The following SPC25 variants were observed in gnomAD, a reference collection of about 807,000 sequenced individuals.
SPC25 encodes the protein kinetochore protein Spc25.
In SPC25, 22 loss-of-function variants were observed where a neutral mutation model predicts 29.6. The ratio of observed to expected loss-of-function variants is 0.74; its 90% CI spans 0.53 to 1.06. The LOEUF (loss-of-function observed/expected upper bound fraction) is 1.06, where lower values mean the gene tolerates loss of function less well. SPC25 is among the 50% of genes least tolerant of loss of function. The pLI is 0.00. For missense variants in SPC25, 230 were observed against 255.8 expected (o/e 0.90, Z 0.69); for synonymous variants, 91 against 90.4 (o/e 1.01, Z -0.04).
chr2:168,878,977 C>T (rs367751167), intron 3 of SPC25, among the ~76,000 whole-genome samples: 6 of 152,140 alleles, frequency 3.9e-5, no homozygotes, highest in African/African-American at 7.2e-5. Context: ...GTCTATTAAG[C>T]GTGCAATAGC....
downstream of SPC25, among the ~76,000 whole-genome samples, chr2:168,869,440 T>G (rs1689935933): frequency 6.6e-6 from 1 of 152,210 alleles, no homozygotes; most frequent in African/African-American, 2.4e-5. Context: ...GATGACATGA[T>G]TGTATATCTA....
chr2:168,873,403 A>G (rs937010085), intron 6 of SPC25, among the ~76,000 whole-genome samples, 182 bp downstream of exon 6: 1 of 152,208 alleles, frequency 6.6e-6, no homozygotes, highest in African/African-American at 2.4e-5. Flanking sequence ...GATCTTAGAC[A>G]GTATCTATAA....
chr2:168,881,800 T>C (rs1011455675), intron 3 of SPC25, among the ~76,000 whole-genome samples: 7 of 152,218 alleles, frequency 4.6e-5, no homozygotes, highest in African/African-American at 1.7e-4. Flanking sequence ...TTCTCAAAGT[T>C]AAACAAGTTA....
At chr2:168,888,876 C>T (rs576888633) in intron 3 of SPC25, among the ~76,000 whole-genome samples, 10 of 145,304 alleles carry the variant, frequency 6.9e-5, no homozygotes, top group African/African-American at 2.3e-4. Flanking sequence ...ATCCACCCAA[C>T]TTGGCCTCCC....
intron 3 of SPC25, among the ~76,000 whole-genome samples, chr2:168,887,421 CAA>C (rs5836211): frequency 3.9e-4 from 51 of 131,364 alleles, no homozygotes; most frequent in East Asian, 6.4e-4. Context: ...GACTCCATCT[CAA>C]AAAAAAAAAA....
chr2:168,889,201 C>T (rs1374631774), intron 3 of SPC25, 25 bp downstream of exon 3: 7 of 1,598,104 alleles, frequency 4.4e-6, no homozygotes, highest in Non-Finnish European at 6.0e-6. Flanking sequence ...AAAAAAAACC[C>T]CATGATTTAT....
At chr2:168,884,589 TAC>T (rs1408779464) in intron 3 of SPC25, among the ~76,000 whole-genome samples, 3 of 152,230 alleles carry the variant, frequency 2.0e-5, no homozygotes, top group African/African-American at 7.2e-5. Context: ...ACCTGTGACT[TAC>T]AGTGTTAACA....
intron 6 of SPC25, among the ~76,000 whole-genome samples, chr2:168,872,559 AAC>A (rs1431836805): frequency 6.6e-6 from 1 of 152,146 alleles, no homozygotes; most frequent in Non-Finnish European, 1.5e-5. Flanking sequence ...TTGCTTAGGA[AAC>A]AAGGTCCATG....
intron 3 of SPC25, among the ~76,000 whole-genome samples, chr2:168,882,134 G>A (rs71430651): frequency 0.012 from 1,803 of 152,306 alleles, 13 homozygotes; most frequent in Middle Eastern, 0.024. Flanking sequence ...ACAAACGTTG[G>A]CAGTTAGGAA....
chr2:168,863,465 CGGGGGCAGATGATCCTGAA>C (rs1172614477), intron 4 of SPC25: 10 of 984,992 alleles, frequency 1.0e-5, no homozygotes, highest in South Asian at 4.7e-5. Flanking sequence ...TGGATCCTGA[CGGGGGCAGATGATCCTGAA>C]GGGGGCAGAT....
chr2:168,869,051 C>T (rs1161404903), downstream of SPC25, among the ~76,000 whole-genome samples: 1 of 152,196 alleles, frequency 6.6e-6, no homozygotes, highest in African/African-American at 2.4e-5. Context: ...GCTGGTTCAA[C>T]ATACGAAAAT....
chr2:168,864,805 G>A, intron 4 of SPC25: 1 of 1,612,754 alleles, frequency 6.2e-7, no homozygotes, highest in South Asian at 1.1e-5. Flanking sequence ...ACATCACAGA[G>A]ACCCATTTGT....
intron 3 of SPC25, among the ~76,000 whole-genome samples, chr2:168,887,572 G>A (rs1690292514): frequency 6.6e-6 from 1 of 152,172 alleles, no homozygotes; most frequent in Admixed American, 6.5e-5. Context: ...TTTTGCAAAT[G>A]AAAGAACATA....
chr2:168,869,163 A>G (rs1041038386), downstream of SPC25, among the ~76,000 whole-genome samples: 1 of 152,204 alleles, frequency 6.6e-6, no homozygotes, highest in Non-Finnish European at 1.5e-5. Flanking sequence ...ACAACCCTTC[A>G]TGCTAAAAAC....
downstream of SPC25, among the ~76,000 whole-genome samples, chr2:168,866,374 G>A (rs1307568622): frequency 3.2e-4 from 49 of 151,172 alleles, no homozygotes; most frequent in Non-Finnish European, 6.2e-4. Context: ...CAAGCAATGG[G>A]GAAAGGATTC....
At chr2:168,883,327 T>C (rs955912877) in intron 3 of SPC25, among the ~76,000 whole-genome samples, 1 of 152,186 alleles carries the variant, frequency 6.6e-6, no homozygotes, top group African/African-American at 2.4e-5. Flanking sequence ...GTTCTCAACA[T>C]TACAGGTGAT....
chr2:168,868,049 C>T (rs1294278219), downstream of SPC25, among the ~76,000 whole-genome samples: 1 of 152,092 alleles, frequency 6.6e-6, no homozygotes, highest in Non-Finnish European at 1.5e-5. Context: ...GATTAAGAAA[C>T]TCACTCAAAA....
intron 3 of SPC25, among the ~76,000 whole-genome samples, chr2:168,886,524 CTT>C (rs112769874): frequency 6.3e-5 from 9 of 143,872 alleles, no homozygotes; most frequent in Admixed American, 6.9e-5. Context: ...AAACTGATTT[CTT>C]TTTTTTTTTT....
rs1690270083 is a variant in SPC25, at chr2:168,886,662, GGC to G, written c.199+2562_199+2563del. Among the ~76,000 whole-genome samples the G allele has an allele frequency of 2.6e-5, 4 of 152,156 alleles. 1 individual carries two copies. In the South Asian group the frequency reaches 8.3e-4, roughly 32 times the overall value. On this transcript the variant is annotated intron_variant, in intron 3 of 6. Transcript: ENST00000282074. Reference sequence around the variant, plus strand: ...AGCCTCCAGAGTAGCTGGGACCATAGGCGCCGGCCACCAGGCCCAGCTAATTT... The same window carrying G: ...AGCCTCCAGAGTAGCTGGGACCATAGGCCGGCCACCAGGCCCAGCTAATTT...
Sources: gnomAD v4.1 joint callset for allele counts (sites outside exome capture counted in the v4.1 genomes callset) on GRCh38, gnomAD v4.1.1 for gene constraint, MANE v1.5 for transcripts, NCBI Gene and HGNC (gene_info 2026-07-23, HGNC 2026-07-21) for gene names.